Variants in SPIDR observed in about 807,000 individuals in gnomAD.
The protein encoded by SPIDR is DNA repair-scaffolding protein.
A neutral mutation model predicts 104.6 loss-of-function variants in SPIDR; 93 were observed. The observed-to-expected ratio is 0.89, with a 90% CI of 0.75 to 1.06. The LOEUF is 1.06. SPIDR is among the 50% of genes least tolerant of loss of function. The pLI is 0.00. For missense variants in SPIDR, 1,154 were observed against 1,111.2 expected, an observed-to-expected ratio of 1.04 and a Z score of -0.55; for synonymous variants, 431 against 416.9, an observed-to-expected ratio of 1.03 and a Z score of -0.41.
At chr8:47,505,298 C>T (rs1184382209) in intron 8 of SPIDR, among the ~76,000 whole-genome samples, 2 of 152,208 alleles carry the variant, frequency 1.3e-5, no homozygotes, top group Non-Finnish European at 2.9e-5. Context: ...TTCGAGCTTC[C>T]CCGCCACTTT....
intron 5 of SPIDR, among the ~76,000 whole-genome samples, chr8:47,384,842 T>C (rs1224346774): frequency 6.6e-5 from 10 of 152,184 alleles, no homozygotes; most frequent in Admixed American, 1.3e-4. Flanking sequence ...CTAAGAAATA[T>C]TTATTTATTT....
intron 8 of SPIDR, among the ~76,000 whole-genome samples, chr8:47,557,721 T>C (rs935543964): frequency 2.6e-5 from 4 of 152,206 alleles, no homozygotes; most frequent in African/African-American, 9.7e-5. Flanking sequence ...ATAAGTAGAC[T>C]CATCTCATTT....
At chr8:47,358,221 G>A (rs1389325058) in intron 5 of SPIDR, among the ~76,000 whole-genome samples, 1 of 151,954 alleles carries the variant, frequency 6.6e-6, no homozygotes, top group Non-Finnish European at 1.5e-5. Context: ...GATTAGCTGG[G>A]ACTACAGACA....
intron 8 of SPIDR, among the ~76,000 whole-genome samples, chr8:47,522,119 G>A (rs916492917): frequency 1.4e-4 from 21 of 151,148 alleles, no homozygotes; most frequent in African/African-American, 4.9e-4. Context: ...AGCCGAGATC[G>A]TGCCACTGTA....
rs190860491 is a variant in SPIDR at position 47,429,788 on chromosome 8, A to G, written c.878-10535A>G. ...CACTTTTTTTTTTTTTCTGGTCTGTACTTTTCTGCAGCTTATATATATTTT... is the reference window on the plus strand; with the variant it reads ...CACTTTTTTTTTTTTTCTGGTCTGTGCTTTTCTGCAGCTTATATATATTTT... On this transcript the variant is annotated intron_variant, in intron 7 of 19. Transcript: ENST00000297423. Among the ~76,000 whole-genome samples, 245 of 149,120 alleles carry G rather than the reference A, an allele frequency of 1.6e-3. 1 individual carries two copies. Among genetic ancestry groups the G allele is most frequent in the African/African-American group, 5.8e-3 (237 of 40,652 alleles).
In SPIDR at chr8:47,312,842, T is replaced by G. The variant is rs587655434; in HGVS notation, c.525+18812T>G. On this transcript the variant is annotated intron_variant, in intron 5 of 19. Transcript: ENST00000297423. ...ATTGCCTAGGTTTTCTTCTAGGGTT[T>G]TTATGGTTTTAGGTCTAACATTTAA... Among the ~76,000 whole-genome samples the G allele has an allele frequency of 2.9e-3, 448 of 152,344 alleles. 3 individuals carry two copies. The highest frequency in any genetic ancestry group is 0.01 in the African/African-American group (427 of 41,574).
At chr8:47,702,341 C>T (rs770120755) in intron 14 of SPIDR, among the ~76,000 whole-genome samples, 4 of 152,138 alleles carry the variant, frequency 2.6e-5, no homozygotes, top group Non-Finnish European at 5.9e-5. Flanking sequence ...CAAAGCTTCT[C>T]AGCCCAGTAA....
chr8:47,461,602 G>A (rs797040257), intron 8 of SPIDR, among the ~76,000 whole-genome samples: 13 of 152,222 alleles, frequency 8.5e-5, no homozygotes, highest in East Asian at 3.9e-4. Context: ...GAGCCACTGC[G>A]CCCAGCCTGT....
intron 10 of SPIDR, among the ~76,000 whole-genome samples, chr8:47,626,276 A>G (rs936138773): frequency 2.0e-5 from 3 of 152,258 alleles, no homozygotes; most frequent in Non-Finnish European, 2.9e-5. Flanking sequence ...ACCTAAAACC[A>G]TAAAAACCCT....
chr8:47,378,587 G>A (rs935535491), intron 5 of SPIDR, among the ~76,000 whole-genome samples: 3 of 152,160 alleles, frequency 2.0e-5, no homozygotes, highest in African/African-American at 7.2e-5. Flanking sequence ...GGATAGTGGT[G>A]GTTCCTGAGA....
intron 8 of SPIDR, among the ~76,000 whole-genome samples, chr8:47,470,661 C>T (rs1307511112): frequency 6.6e-6 from 1 of 152,110 alleles, no homozygotes; most frequent in Non-Finnish European, 1.5e-5. Context: ...ATTGGAAATC[C>T]CTGTGCAAAT....
intron 6 of SPIDR, among the ~76,000 whole-genome samples, chr8:47,404,600 A>C (rs1336425713): frequency 6.6e-6 from 1 of 152,254 alleles, no homozygotes; most frequent in Non-Finnish European, 1.5e-5. Context: ...ACATGAAAAA[A>C]TGCTCATCAT....
chr8:47,316,473 G>A (rs2045364155), intron 5 of SPIDR, among the ~76,000 whole-genome samples: 1 of 152,156 alleles, frequency 6.6e-6, no homozygotes, highest in South Asian at 2.1e-4. Flanking sequence ...CCACCAGTTG[G>A]AGACTGGATC....
intron 6 of SPIDR, among the ~76,000 whole-genome samples, chr8:47,406,489 A>G (rs1175611685): frequency 6.6e-6 from 1 of 152,238 alleles, no homozygotes; most frequent in Non-Finnish European, 1.5e-5. Context: ...GTTGACATGT[A>G]GAGGTGCTAT....
At chr8:47,515,152 T>C (rs2082924954) in intron 8 of SPIDR, among the ~76,000 whole-genome samples, 1 of 152,180 alleles carries the variant, frequency 6.6e-6, no homozygotes, top group Admixed American at 6.5e-5. Flanking sequence ...CCACTAGCCT[T>C]CAACTGATTC....
intron 8 of SPIDR, among the ~76,000 whole-genome samples, chr8:47,480,195 A>G (rs2076741455): frequency 6.6e-6 from 1 of 152,190 alleles, no homozygotes; most frequent in Non-Finnish European, 1.5e-5. Context: ...TGGGCACTGA[A>G]GATTTAGAGG....
At chr8:47,669,259 G>C (rs776227697) in intron 10 of SPIDR, among the ~76,000 whole-genome samples, 30 of 152,216 alleles carry the variant, frequency 2.0e-4, no homozygotes, top group Non-Finnish European at 3.8e-4. Context: ...CACTAGCACT[G>C]ATTTTAGGAG....
At chr8:47,596,925 A>G (rs1002998040) in intron 9 of SPIDR, among the ~76,000 whole-genome samples, 4 of 152,178 alleles carry the variant, frequency 2.6e-5, no homozygotes, top group Non-Finnish European at 5.9e-5. Context: ...AGGGCCATCA[A>G]TATCACCATC....
intron 5 of SPIDR, among the ~76,000 whole-genome samples, chr8:47,297,688 G>A (rs916730824): frequency 3.3e-5 from 5 of 151,912 alleles, no homozygotes; most frequent in Non-Finnish European, 5.9e-5. Context: ...CTTCCCACCT[G>A]TGAGTGAGAA....
Sources: gnomAD v4.1 joint callset for allele counts (sites outside exome capture counted in the v4.1 genomes callset) on GRCh38, gnomAD v4.1.1 for gene constraint, MANE v1.5 for transcripts, NCBI Gene and HGNC (gene_info 2026-07-23, HGNC 2026-07-21) for gene names.